The following SLC10A6 variants were observed in gnomAD, a reference collection of about 807,000 sequenced individuals.
SLC10A6 encodes solute carrier family 10 member 6.
SLC10A6 carries 27 observed loss-of-function variants against 30.0 expected under a neutral mutation model. The ratio of observed to expected loss-of-function variants is 0.90; its 90% confidence interval spans 0.66 to 1.24. The LOEUF is 1.24. Ranked by LOEUF, SLC10A6 falls within the 50% of genes most tolerant of loss-of-function variation. SLC10A6 has a pLI of 0.00. For missense variants in SLC10A6, 439 were observed against 457.0 expected (o/e 0.96, Z 0.36); for synonymous variants, 166 against 173.8 (o/e 0.95, Z 0.36).
chr4:86,823,917 A>G lies in SLC10A6; in HGVS notation c.920-15T>C. Reference sequence around the variant, plus strand: ...CGTCTGATATGCTAGGTGTTAAAACATACAAGTATTAACAATCACTTTAAC... The same window carrying G: ...CGTCTGATATGCTAGGTGTTAAAACGTACAAGTATTAACAATCACTTTAAC... On this transcript the variant is annotated splice_polypyrimidine_tract_variant and intron_variant, in intron 5 of 5. Transcript: ENST00000273905. 6.3e-7 allele frequency: 1 copy of G among 1,579,530 alleles called. No homozygotes were observed.
At position 86,826,549 on chromosome 4, in the gene SLC10A6, TAAA is replaced by T. The variant is rs2149410326; in HGVS notation, c.762-975_762-973del. Among the ~76,000 whole-genome samples the T allele has an allele frequency of 1.5e-3, 3 of 1,996 alleles. No individual in the cohort carries two copies. In the South Asian group the frequency reaches 0.17, roughly 111 times the overall value. The allele number at this position is 1,996 out of a possible 152,430, so 1.3% of individuals were successfully genotyped here. A position where few individuals can be genotyped will look rare whatever the true frequency, so the allele number is the denominator to read the frequency against. On this transcript the variant is annotated intron_variant, in intron 4 of 5. Transcript: ENST00000273905. ...TCCAGCCTGGGCAACGAGGTCTCAA[TAAA>T]TAAATAAATAAATAAATAAATAAAT...
rs371417520 is a variant in SLC10A6, at chr4:86,837,078, T to C, written c.378-3654A>G. Among the ~76,000 whole-genome samples the C allele has an allele frequency of 4.6e-5, 7 of 151,852 alleles. No individual in the cohort carries two copies. In the East Asian group the frequency reaches 7.7e-4, roughly 17 times the overall value. On this transcript the variant is annotated intron_variant, in intron 1 of 5. Coordinates refer to ENST00000273905, the MANE Select transcript of SLC10A6 (RefSeq NM_197965.3). ...TGTGTTTTTGTATTTTCCATATATA[T>C]TTTTGGTCTAAATTTATTTAGGGAA... is the stretch of plus-strand genomic sequence containing the variant.
At chr4:86,831,989 C>T (rs1746089259) in intron 2 of SLC10A6, 109 bp from the exon 3 acceptor site, 4 of 851,486 alleles carry the variant, frequency 4.7e-6, no homozygotes, top group Admixed American at 2.1e-5. Flanking sequence ...TGACATTTTC[C>T]CATGCCACTT....
chr4:86,835,765 GA>G (rs1487155980), intron 1 of SLC10A6, among the ~76,000 whole-genome samples: 4 of 151,042 alleles, frequency 2.6e-5, no homozygotes, highest in African/African-American at 7.3e-5. Flanking sequence ...GAGAGAGAAA[GA>G]AAAGAAAAGA....
rs151201883 is a variant in SLC10A6, at chr4:86,825,699, T to C, written c.762-122A>G. On this transcript the variant is annotated intron_variant, in intron 4 of 5. Transcript: ENST00000273905. ...CAGGCCACTGAAAATGTGTACTCAT[T>C]CCATAGTTATTTGCTGAGTGCCTAT... 4.6e-3 allele frequency: 4,921 copies of C among 1,063,246 alleles called. 17 individuals carry two copies. The highest frequency in any genetic ancestry group is 5.4e-3 in the Non-Finnish European group (4,199 of 773,922). 65.9% of individuals were successfully genotyped at this position (1,063,246 alleles called of 1,614,324 possible). A position where few individuals can be genotyped will look rare whatever the true frequency, so the allele number is the denominator to read the frequency against.
intron 3 of SLC10A6, 22 bp from the exon 4 acceptor site, chr4:86,828,190 G>C (rs370677732): frequency 1.2e-5 from 20 of 1,603,640 alleles, no homozygotes; most frequent in African/African-American, 1.4e-5. Flanking sequence ...AATAAAATAA[G>C]TGAATATAAA....
At position 86,849,024 on chromosome 4, in the gene SLC10A6, T is replaced by C. The variant is rs1298280624; in HGVS notation, c.92A>G (p.Glu31Gly). Reference sequence around the variant, plus strand: ...AGTGGACACCACTGTGAAAACGAGCTCCAGGTTTCCATGCACCTCCAGTCC... The same window carrying C: ...AGTGGACACCACTGTGAAAACGAGCCCCAGGTTTCCATGCACCTCCAGTCC... The part of the protein sequence containing the change: ...PVGLEVHGNL[E>G]LVFTVVSTVM... The change falls in exon 1 of 6, where the codon GAG becomes GGG. Residue 31 changes from glutamate to glycine, a missense_variant. Glu to Gly is a moderately conservative substitution (Grantham distance 98, BLOSUM62 -2). Coordinates refer to ENST00000273905, the MANE Select transcript of SLC10A6 (RefSeq NM_197965.3). The C allele has an allele frequency of 2.5e-6, 4 of 1,613,948 alleles. No individual in the cohort carries two copies. The highest frequency in any genetic ancestry group is 3.3e-5 in the Admixed American group (2 of 59,998).
At chr4:86,833,076 C>T (rs867632510) in intron 2 of SLC10A6, among the ~76,000 whole-genome samples, 22 of 152,058 alleles carry the variant, frequency 1.4e-4, no homozygotes, top group African/African-American at 4.1e-4. Context: ...GTTAGAACTC[C>T]AGTTCCGTAC....
chr4:86,833,561 T>C (rs1746125657), intron 1 of SLC10A6, 137 bp from the exon 2 acceptor site: 2 of 580,672 alleles, frequency 3.4e-6, no homozygotes, highest in Non-Finnish European at 6.1e-6. Flanking sequence ...TTCTCTCCCG[T>C]TGTTTAACAA....
chr4:86,827,956 C>T (rs1279376564), intron 4 of SLC10A6, 37 bp downstream of exon 4: 19 of 1,589,948 alleles, frequency 1.2e-5, no homozygotes, highest in African/African-American at 2.7e-5. Context: ...GTTAAATTTA[C>T]CTTCCTCAAA....
chr4:86,845,034 G>A (rs768477656), intron 1 of SLC10A6, among the ~76,000 whole-genome samples: 29 of 152,068 alleles, frequency 1.9e-4, no homozygotes, highest in Admixed American at 7.9e-4. Flanking sequence ...ATTACAATTC[G>A]AGATGAGAAT....
At chr4:86,838,043 C>T (rs905363939) in intron 1 of SLC10A6, among the ~76,000 whole-genome samples, 5 of 152,180 alleles carry the variant, frequency 3.3e-5, no homozygotes, top group African/African-American at 4.8e-5. Context: ...TAAAATAATA[C>T]GTCTATGACT....
chr4:86,836,569 C>T (rs1012739777), intron 1 of SLC10A6, among the ~76,000 whole-genome samples: 1 of 152,154 alleles, frequency 6.6e-6, no homozygotes, highest in Non-Finnish European at 1.5e-5. Flanking sequence ...GATGCCAGCA[C>T]CTTCATCTTA....
chr4:86,830,874 C>A (rs1746065590), intron 3 of SLC10A6, among the ~76,000 whole-genome samples: 2 of 152,158 alleles, frequency 1.3e-5, no homozygotes. Context: ...CATATTACAA[C>A]CTTCTATCTG....
At chr4:86,834,885 G>C (rs906830206) in intron 1 of SLC10A6, among the ~76,000 whole-genome samples, 1 of 152,046 alleles carries the variant, frequency 6.6e-6, no homozygotes, top group African/African-American at 2.4e-5. Context: ...GCCAGAGAGG[G>C]AGCAAGGGAG....
At chr4:86,835,666 CA>C (rs894437136) in intron 1 of SLC10A6, among the ~76,000 whole-genome samples, 2 of 120,064 alleles carry the variant, frequency 1.7e-5, no homozygotes, top group African/African-American at 6.4e-5. Flanking sequence ...AACTCCATCT[CA>C]AAAAAAAAGA....
At chr4:86,824,224 CTTA>C (rs1420045709) in intron 5 of SLC10A6, among the ~76,000 whole-genome samples, 3 of 152,184 alleles carry the variant, frequency 2.0e-5, no homozygotes, top group African/African-American at 7.2e-5. Context: ...ACTGCGAGTG[CTTA>C]CTAGAAGTAG....
At chr4:86,840,949 T>C (rs923859321) in intron 1 of SLC10A6, among the ~76,000 whole-genome samples, 2 of 152,212 alleles carry the variant, frequency 1.3e-5, no homozygotes, top group East Asian at 1.9e-4. Context: ...TCCTGACTAG[T>C]AGGCAATTTA....
intron 4 of SLC10A6, among the ~76,000 whole-genome samples, chr4:86,827,374 T>G (rs866873738): frequency 5.1e-4 from 78 of 152,290 alleles, no homozygotes; most frequent in East Asian, 1.2e-3. Flanking sequence ...GATCTACTTC[T>G]CAAGCTTGTA....
Sources: allele counts gnomAD v4.1 joint callset (sites outside exome capture counted in the v4.1 genomes callset), GRCh38; gene constraint gnomAD v4.1.1; transcripts MANE v1.5; gene names NCBI Gene and HGNC (gene_info 2026-07-23, HGNC 2026-07-21).